The following PPIE variants were observed in gnomAD, a reference collection of about 807,000 sequenced individuals.
The protein encoded by PPIE is peptidylprolyl isomerase E, also known as peptidyl-prolyl cis-trans isomerase E.
In PPIE, 20 loss-of-function variants were observed where a neutral mutation model predicts 38.4. The observed-to-expected ratio is 0.52, with a 90% CI of 0.37 to 0.76. The LOEUF is 0.76. Ranked by LOEUF, PPIE falls within the 30% of genes least tolerant of loss-of-function variation. The pLI, the probability that PPIE is intolerant of heterozygous loss-of-function variation, is 0.00. For missense variants in PPIE, 322 were observed against 385.8 expected, an observed-to-expected ratio of 0.83 and a Z score of 1.39; for synonymous variants, 142 against 135.7, an observed-to-expected ratio of 1.05 and a Z score of -0.32.
chr1:39,753,204 G>A lies in PPIE; in HGVS notation c.838-83G>A, dbSNP rs1335299828. The A allele has an allele frequency of 7.5e-6, 12 of 1,594,352 alleles. No homozygotes were observed. In the African/African-American group the frequency reaches 1.3e-4, roughly 18 times the overall value. ...CTGCCCAGGTTCCGGGGTGGAAGTG[G>A]GCAAATGGGCAGGCAGGGGTTGGTA... On this transcript the variant is annotated intron_variant, in intron 9 of 9. Coordinates refer to ENST00000324379, the MANE Select transcript of PPIE (RefSeq NM_006112.4).
intron 4 of PPIE, 39 bp from the exon 5 acceptor site, chr1:39,743,177 C>A: frequency 6.4e-7 from 1 of 1,573,196 alleles, no homozygotes. Context: ...CTCTTTTAAC[C>A]TAAGAGAGTT....
At chr1:39,740,473 T>C (rs1647031148) in intron 2 of PPIE, among the ~76,000 whole-genome samples, 1 of 152,214 alleles carries the variant, frequency 6.6e-6, no homozygotes, top group African/African-American at 2.4e-5. Context: ...TCCAGAGTCT[T>C]CAGCTGTTGG....
At chr1:39,750,111 C>T (rs1341194735) in intron 8 of PPIE, among the ~76,000 whole-genome samples, 1 of 151,662 alleles carries the variant, frequency 6.6e-6, no homozygotes, top group African/African-American at 2.4e-5. Flanking sequence ...CCAGCCTGGG[C>T]AACAAGAGCG....
chr1:39,762,499 C>T lies in PPIE; in HGVS notation c.838-1190C>T, dbSNP rs1338782049. ...CAGCACCAGTGATCCCATCAGAAAC[C>T]TGCTTTTGTCCTTTAAGGTTGCCCC... On this transcript the variant is annotated intron_variant, in intron 9 of 9. Coordinates refer to the PPIE transcript ENST00000356511. 17 of 1,546,188 alleles carry T rather than the reference C, an allele frequency of 1.1e-5. 1 individual carries two copies. In the South Asian group the frequency reaches 1.8e-4, roughly 16 times the overall value.
chr1:39,755,643 C>A lies in PPIE; in HGVS notation c.*2288C>A, dbSNP rs576489848. On this transcript the variant is annotated 3_prime_UTR_variant, in exon 10 of 10. Transcript: ENST00000324379. ...TGTGTAGAAAAAGCACAGCCAGCCTCCCATAAAAGGACAGACTCCTGTGAC... is the reference window on the plus strand; with the variant it reads ...TGTGTAGAAAAAGCACAGCCAGCCTACCATAAAAGGACAGACTCCTGTGAC... The A allele has an allele frequency of 1.0e-6, 1 of 985,400 alleles. No individual in the cohort carries two copies. The highest frequency in any genetic ancestry group is 5.2e-4 in the Middle Eastern group (1 of 1,914). 61.0% of individuals were successfully genotyped at this position (985,400 alleles called of 1,614,324 possible).
Position 39,745,550 on chromosome 1 carries a change from A to C in PPIE, c.508+52A>C, listed in dbSNP as rs369658337. ...GCGGGACGCTGGTGGCTGAGCAGTGAGCCTTTCCCAGGTTCTTACTGCTTC... is the reference window on the plus strand; with the variant it reads ...GCGGGACGCTGGTGGCTGAGCAGTGCGCCTTTCCCAGGTTCTTACTGCTTC... On this transcript the variant is annotated intron_variant, in intron 7 of 9. Transcript: ENST00000324379. 170 of 1,611,572 alleles carry C rather than the reference A, an allele frequency of 1.1e-4. No individual in the cohort carries two copies. The African/African-American group carries it at 1.9e-3, about 18-fold the overall frequency.
intron 5 of PPIE, 120 bp downstream of exon 5, chr1:39,743,417 G>T (rs551435733): frequency 5.7e-5 from 49 of 856,032 alleles, no homozygotes; most frequent in Non-Finnish European, 8.0e-5. Context: ...GATAGGAGTA[G>T]ATGATGGTTC....
intron 1 of PPIE, 43 bp downstream of exon 1, chr1:39,738,974 C>T (rs1646989554): frequency 1.4e-6 from 2 of 1,421,012 alleles, no homozygotes; most frequent in Non-Finnish European, 1.8e-6. Flanking sequence ...GTGAACGCGA[C>T]CCCCAAGGGT....
chr1:39,745,002 A>T (rs1030814121), intron 6 of PPIE, among the ~76,000 whole-genome samples: 11 of 152,202 alleles, frequency 7.2e-5, no homozygotes, highest in Non-Finnish European at 1.2e-4. Context: ...TAACTAGAGG[A>T]CAGTGGGTGG....
downstream of PPIE, chr1:39,757,558 G>C (rs1204247825): frequency 6.6e-6 from 1 of 152,280 alleles, no homozygotes; most frequent in African/African-American, 2.4e-5. Flanking sequence ...GACCAAGACT[G>C]CTGGGCATTC....
Position 39,740,175 on chromosome 1 carries a change from A to G in PPIE, c.42A>G (p.Ala14=), listed in dbSNP as rs1479321016. The G allele has an allele frequency of 6.2e-7, 1 of 1,614,094 alleles. No homozygotes were observed. Among genetic ancestry groups the G allele is most frequent in the African/African-American group, 1.3e-5 (1 of 75,044 alleles). ...TTGGCTTATTTGCAGGTGGACTGGC[A>G]GAGGAAGTGGACGACAAAGTTCTTC... ...TKRVLYVGGL[A]EEVDDKVLHA... is the part of the protein sequence containing the mutation. The change falls in exon 2 of 10, where the codon GCA becomes GCG. Residue 14 remains alanine, a synonymous_variant. Transcript: ENST00000324379.
downstream of PPIE, chr1:39,758,556 C>T (rs970304785): frequency 6.6e-6 from 1 of 152,284 alleles, no homozygotes; most frequent in African/African-American, 2.4e-5. Context: ...AACTCTGCTT[C>T]GTGACAGCCA....
intron 4 of PPIE, chr1:39,742,209 G>C (rs1427499003): frequency 3.0e-6 from 1 of 328,792 alleles, no homozygotes; most frequent in Non-Finnish European, 5.6e-6. Flanking sequence ...TTGATTGCAC[G>C]GTGTAACTGC....
At position 39,753,429 on chromosome 1, in the gene PPIE, G is replaced by C; in HGVS notation, c.*74G>C. 6.3e-7 allele frequency: 1 copy of C among 1,582,452 alleles called. No homozygotes were observed. The highest frequency in any genetic ancestry group is 8.6e-7 in the Non-Finnish European group (1 of 1,164,412). ...GGAAGGAACTGCCAGCCTCAGAGGA[G>C]GCAGCACCGAGGGTGCCTGTTTGAA... On this transcript the variant is annotated 3_prime_UTR_variant, in exon 10 of 10. Coordinates refer to ENST00000324379, the MANE Select transcript of PPIE (RefSeq NM_006112.4).
chr1:39,763,287 G>A (rs1649280180), intron 9 of PPIE: 5 of 1,337,516 alleles, frequency 3.7e-6, no homozygotes, highest in East Asian at 4.7e-5. Flanking sequence ...GCCCTGCAGG[G>A]CCGTCTCCCC....
In PPIE at chr1:39,755,107, C is replaced by G. The variant is rs1648126441; in HGVS notation, c.*1752C>G. ...TTCTTGGAGCTGGCTTCTCTCCACTCCCCCTCCAGATGCTGGTCAGCCAGG... is the reference window on the plus strand; with the variant it reads ...TTCTTGGAGCTGGCTTCTCTCCACTGCCCCTCCAGATGCTGGTCAGCCAGG... On this transcript the variant is annotated 3_prime_UTR_variant, in exon 10 of 10. Coordinates refer to ENST00000324379, the MANE Select transcript of PPIE (RefSeq NM_006112.4). 1 of 985,338 alleles carries G rather than the reference C, an allele frequency of 1.0e-6. No homozygotes were observed. Among genetic ancestry groups the G allele is most frequent in the Non-Finnish European group, 1.2e-6 (1 of 829,948 alleles). 61.0% of individuals were successfully genotyped at this position (985,338 alleles called of 1,614,324 possible). A position where few individuals can be genotyped will look rare whatever the true frequency, so the allele number is the denominator to read the frequency against.
Position 39,756,716 on chromosome 1 carries a change from G to T in PPIE, c.*3361G>T. 1 of 580,438 alleles carries T rather than the reference G, an allele frequency of 1.7e-6. No individual in the cohort carries two copies. The highest frequency in any genetic ancestry group is 2.2e-6 in the Non-Finnish European group (1 of 460,350). The allele number at this position is 580,438 out of a possible 1,614,324, so 36.0% of individuals were successfully genotyped here. ...AAATATCTGTAATATGTAAGCATAG[G>T]TATTTGTATATCTTAAGAAAAAAAG... On this transcript the variant is annotated 3_prime_UTR_variant, in exon 10 of 10. Coordinates refer to ENST00000324379, the MANE Select transcript of PPIE (RefSeq NM_006112.4).
At chr1:39,742,194 G>A in intron 4 of PPIE, 2 of 416,910 alleles carry the variant, frequency 4.8e-6, no homozygotes, top group East Asian at 4.3e-5. Context: ...CAGACACAGT[G>A]CAAATTGATT....
chr1:39,743,696 G>C, intron 5 of PPIE, 128 bp from the exon 6 acceptor site: 3 of 702,288 alleles, frequency 4.3e-6, no homozygotes. Context: ...CTTACCCCTG[G>C]GAGTTCTCAG....
Sources: allele counts gnomAD v4.1 joint callset (sites outside exome capture counted in the v4.1 genomes callset), GRCh38; gene constraint gnomAD v4.1.1; transcripts MANE v1.5; gene names NCBI Gene and HGNC (gene_info 2026-07-23, HGNC 2026-07-21).